Variants in MYO16 observed in about 807,000 individuals in gnomAD.
MYO16 encodes the protein myosin XVI, also known as unconventional myosin-XVI.
MYO16 carries 94 observed loss-of-function variants against 205.3 expected under a neutral mutation model. That is an observed-to-expected ratio of 0.46 (90% CI 0.39 to 0.54). MYO16 has a LOEUF of 0.54. MYO16 is among the 20% of genes least tolerant of loss of function. The probability of loss-of-function intolerance (pLI) is 0.00; values close to 1 mark genes in which losing one functional copy is unlikely to be tolerated. For missense variants in MYO16, 2,315 were observed against 2,387.5 expected (o/e 0.97, Z 0.63); for synonymous variants, 988 against 954.0 (o/e 1.04, Z -0.66).
intron 20 of MYO16, among the ~76,000 whole-genome samples, chr13:108,975,614 T>C (rs969161807): frequency 6.6e-6 from 1 of 152,178 alleles, no homozygotes; most frequent in Non-Finnish European, 1.5e-5. Flanking sequence ...AAACACCTCA[T>C]TTTCCCAGCC....
the MYO16 span, among the ~76,000 whole-genome samples, chr13:108,523,536 T>C: frequency 6.6e-6 from 1 of 152,184 alleles, no homozygotes; most frequent in Admixed American, 6.5e-5. Context: ...CTTCAATGTC[T>C]TCCCACCACC....
In MYO16 at chr13:108,606,496, G is replaced by A. The variant is rs181269641; in HGVS notation, c.-39+10257G>A. Among the ~76,000 whole-genome samples the A allele has an allele frequency of 2.8e-4, 42 of 152,302 alleles. 1 individual carries two copies. Among genetic ancestry groups the A allele is most frequent in the Admixed American group, 2.2e-3 (34 of 15,298 alleles). ...TTGTTTTAGAGGGTGGAAGTCCCAA[G>A]CCTTGACAGCTTCTGCATGATATTT... On this transcript the variant is annotated intron_variant, in intron 1 of 24. Coordinates refer to the MYO16 transcript ENST00000251041.
At chr13:109,188,431 T>A (rs1370335280) in intron 34 of MYO16, among the ~76,000 whole-genome samples, 1 of 152,180 alleles carries the variant, frequency 6.6e-6, no homozygotes, top group Non-Finnish European at 1.5e-5. Flanking sequence ...AACAGATGAG[T>A]CTTATTTATT....
upstream of MYO16, chr13:108,629,509 G>T (rs1054720084): frequency 4.4e-5 from 11 of 249,904 alleles, no homozygotes; most frequent in African/African-American, 2.4e-4. Context: ...ACACCTCCGT[G>T]CAGCAGAATG....
At chr13:108,842,894 A>G (rs4773002) in intron 9 of MYO16, among the ~76,000 whole-genome samples, 35,946 of 152,080 alleles carry the variant, frequency 0.24, 4,993 homozygotes, top group East Asian at 0.66. Context: ...ATTGTGGTAC[A>G]TATCTACAGA....
At chr13:108,553,380 C>G in the MYO16 span, among the ~76,000 whole-genome samples, 1 of 152,268 alleles carries the variant, frequency 6.6e-6, no homozygotes, top group Non-Finnish European at 1.5e-5. Context: ...ATCAGCCTTC[C>G]CTTTGACAGG....
At chr13:108,866,277 T>C (rs1365235215) in intron 12 of MYO16, 35 bp downstream of exon 12, 12 of 1,384,838 alleles carry the variant, frequency 8.7e-6, no homozygotes, top group Middle Eastern at 3.6e-4. Flanking sequence ...TTGAATAATG[T>C]AGAGTAATAC....
chr13:109,122,956 G>A (rs1876061626), intron 29 of MYO16, among the ~76,000 whole-genome samples: 1 of 152,078 alleles, frequency 6.6e-6, no homozygotes, highest in South Asian at 2.1e-4. Context: ...AATGTCCAGG[G>A]GAAAGAAAGC....
At chr13:108,662,154 G>A (rs539651303) in intron 1 of MYO16, among the ~76,000 whole-genome samples, 1 of 152,324 alleles carries the variant, frequency 6.6e-6, no homozygotes, top group South Asian at 2.1e-4. Context: ...GTGTCTCTCA[G>A]CCGTGGATAA....
intron 15 of MYO16, among the ~76,000 whole-genome samples, chr13:108,907,746 G>A (rs896026283): frequency 3.3e-5 from 5 of 152,152 alleles, no homozygotes; most frequent in South Asian, 2.1e-4. Context: ...TAATTACACT[G>A]TTTTTGAATT....
intron 16 of MYO16, among the ~76,000 whole-genome samples, chr13:108,917,239 C>G (rs1189633044): frequency 2.7e-5 from 4 of 147,814 alleles, no homozygotes; most frequent in African/African-American, 7.3e-5. Flanking sequence ...CTTGGTGGCT[C>G]AGCCCAGGTC....
At chr13:108,952,916 A>T (rs565875811) in intron 16 of MYO16, among the ~76,000 whole-genome samples, 1 of 152,258 alleles carries the variant, frequency 6.6e-6, no homozygotes, top group Admixed American at 6.5e-5. Context: ...ATGAATCAAT[A>T]ATGGGGCAAA....
chr13:108,927,856 C>T (rs569906090), intron 16 of MYO16, among the ~76,000 whole-genome samples: 48 of 152,294 alleles, frequency 3.2e-4, no homozygotes, highest in African/African-American at 1.1e-3. Context: ...CCGGAGTGCC[C>T]GAGGTCACCG....
chr13:109,057,233 G>A (rs896430068), intron 27 of MYO16, among the ~76,000 whole-genome samples: 1 of 152,088 alleles, frequency 6.6e-6, no homozygotes, highest in African/African-American at 2.4e-5. Flanking sequence ...ACACATAGAA[G>A]AAAATAAACA....
the MYO16 span, among the ~76,000 whole-genome samples, chr13:108,570,212 C>G: frequency 6.6e-6 from 1 of 151,270 alleles, no homozygotes; most frequent in African/African-American, 2.4e-5. Flanking sequence ...TTGGTTTTTG[C>G]TTTCCTTCTT....
At chr13:108,880,184 C>T (rs1318417878) in intron 12 of MYO16, among the ~76,000 whole-genome samples, 1 of 152,144 alleles carries the variant, frequency 6.6e-6, no homozygotes, top group South Asian at 2.1e-4. Context: ...CTGTTCATAT[C>T]CTTTGGCCAC....
chr13:108,722,774 A>T lies in MYO16; in HGVS notation c.364-4666A>T, dbSNP rs542540388. Among the ~76,000 whole-genome samples, 3 of 152,274 alleles carry T rather than the reference A, an allele frequency of 2.0e-5. No homozygotes were observed. In the South Asian group the frequency reaches 6.2e-4, roughly 32 times the overall value. ...CTAACATCAAATTTATTGAACTTTC[A>T]TACTGTGCCACTCACCTTCTGTGTC... On this transcript the variant is annotated intron_variant, in intron 3 of 34. Transcript: ENST00000457511.
chr13:108,799,291 G>T (rs1031699385), intron 6 of MYO16, among the ~76,000 whole-genome samples: 5 of 152,202 alleles, frequency 3.3e-5, no homozygotes, highest in African/African-American at 1.2e-4. Flanking sequence ...CCCTTGGGTG[G>T]AACCCATGGA....
chr13:108,907,995 G>A (rs1385040520), intron 15 of MYO16, among the ~76,000 whole-genome samples: 1 of 151,942 alleles, frequency 6.6e-6, no homozygotes, highest in East Asian at 1.9e-4. Context: ...CTCTTAAGTA[G>A]TAAATTAATT....
Sources: allele counts gnomAD v4.1 joint callset (sites outside exome capture counted in the v4.1 genomes callset), GRCh38; gene constraint gnomAD v4.1.1; transcripts MANE v1.5; gene names NCBI Gene and HGNC (gene_info 2026-07-23, HGNC 2026-07-21).